The following CHST11 variants were observed in gnomAD, a reference collection of about 807,000 sequenced individuals.
CHST11 encodes the protein carbohydrate sulfotransferase 11.
Under a neutral mutation model 30.4 loss-of-function variants are expected in CHST11, and 9 were observed. That is an observed-to-expected ratio of 0.30 (90% CI 0.18 to 0.52). The LOEUF is 0.52. CHST11 is among the 20% of genes least tolerant of loss of function. The pLI is 0.97. For missense variants in CHST11, 348 were observed against 460.6 expected, an observed-to-expected ratio of 0.76 and a Z score of 2.24; for synonymous variants, 152 against 187.8, an observed-to-expected ratio of 0.81 and a Z score of 1.56.
intron 1 of CHST11, among the ~76,000 whole-genome samples, chr12:104,587,411 A>G (rs907508132): frequency 8.5e-5 from 13 of 152,144 alleles, no homozygotes; most frequent in African/African-American, 1.2e-4. Flanking sequence ...TTGTTTATTT[A>G]TTTTGAGATA....
intron 2 of CHST11, among the ~76,000 whole-genome samples, chr12:104,666,288 C>T (rs1181628303): frequency 6.6e-6 from 1 of 152,146 alleles, no homozygotes; most frequent in East Asian, 1.9e-4. Context: ...TGAACTGTTT[C>T]CCTCAAGCTT....
At chr12:104,625,924 A>G (rs1291373068) in intron 2 of CHST11, among the ~76,000 whole-genome samples, 2 of 152,248 alleles carry the variant, frequency 1.3e-5, no homozygotes, top group African/African-American at 2.4e-5. Context: ...ACAAATTAAT[A>G]GTGTGAACAT....
intron 1 of CHST11, among the ~76,000 whole-genome samples, chr12:104,534,893 A>G (rs998645340): frequency 2.0e-5 from 3 of 152,228 alleles, no homozygotes; most frequent in Non-Finnish European, 4.4e-5. Context: ...TTCTTCGCAG[A>G]AGCCAAGTTT....
chr12:104,624,521 G>T (rs1351889799), intron 2 of CHST11, among the ~76,000 whole-genome samples: 1 of 90,620 alleles, frequency 1.1e-5, no homozygotes, highest in Non-Finnish European at 2.3e-5. Flanking sequence ...CATATCAAAT[G>T]AATGAAGGGA....
intron 1 of CHST11, among the ~76,000 whole-genome samples, chr12:104,497,399 A>G (rs1306137941): frequency 6.6e-6 from 1 of 152,182 alleles, no homozygotes; most frequent in East Asian, 1.9e-4. Context: ...CCGAAGAGAA[A>G]GGCCCCAGGA....
At chr12:104,748,759 G>T (rs2040407953) in intron 2 of CHST11, among the ~76,000 whole-genome samples, 1 of 152,182 alleles carries the variant, frequency 6.6e-6, no homozygotes, top group African/African-American at 2.4e-5. Flanking sequence ...CTGGTCTGTG[G>T]TATTTATTAT....
intron 1 of CHST11, among the ~76,000 whole-genome samples, chr12:104,566,761 A>C (rs548897369): frequency 2.0e-5 from 3 of 152,172 alleles, no homozygotes; most frequent in Non-Finnish European, 4.4e-5. Flanking sequence ...CTACAGGTAC[A>C]TACACCTCCC....
rs574809360 is a variant in CHST11, at chr12:104,482,409, T to C, written c.118+24880T>C. 4.0e-5 allele frequency among the ~76,000 whole-genome samples: 6 copies of C among 151,396 alleles called. 1 individual carries two copies. Among genetic ancestry groups the C allele is most frequent in the African/African-American group, 1.5e-4 (6 of 41,362 alleles). ...GCAGCTGGTGTTTACTTCTTTTAAG[T>C]TTAGGCACATCCTTTACATCCACAT... On this transcript the variant is annotated intron_variant, in intron 1 of 2. Coordinates refer to ENST00000303694, the MANE Select transcript of CHST11 (RefSeq NM_018413.6).
chr12:104,465,494 T>C (rs1338626458), intron 1 of CHST11, among the ~76,000 whole-genome samples: 3 of 152,250 alleles, frequency 2.0e-5, no homozygotes, highest in Admixed American at 1.3e-4. Context: ...TGAGCTGTCA[T>C]GACTTTGTCA....
intron 1 of CHST11, among the ~76,000 whole-genome samples, chr12:104,541,128 T>TCACACA (rs1337626764): frequency 2.1e-4 from 29 of 140,994 alleles, no homozygotes; most frequent in African/African-American, 6.0e-4. Context: ...TCTCTCTCTC[T>TCACACA]CTCACACACA....
intron 2 of CHST11, among the ~76,000 whole-genome samples, chr12:104,688,939 G>A (rs975432389): frequency 2.6e-5 from 4 of 151,692 alleles, no homozygotes; most frequent in African/African-American, 9.7e-5. Context: ...TGGGCAAGAA[G>A]GGGCAAGAAG....
chr12:104,718,720 C>G (rs2040150936), intron 2 of CHST11, among the ~76,000 whole-genome samples: 1 of 152,158 alleles, frequency 6.6e-6, no homozygotes, highest in African/African-American at 2.4e-5. Context: ...TGTCATTTAG[C>G]CAGCCAGCCT....
intron 1 of CHST11, among the ~76,000 whole-genome samples, chr12:104,466,919 A>G (rs2037465515): frequency 6.6e-6 from 1 of 152,092 alleles, no homozygotes; most frequent in Non-Finnish European, 1.5e-5. Context: ...TGACCTTGTA[A>G]TGTTGTCCAC....
intron 2 of CHST11, among the ~76,000 whole-genome samples, chr12:104,686,980 G>A (rs1014256833): frequency 3.9e-5 from 6 of 152,306 alleles, no homozygotes; most frequent in Non-Finnish European, 5.9e-5. Context: ...TTTTAAAATT[G>A]TATATTTTGG....
Position 104,684,092 on chromosome 12 carries a change from G to A in CHST11, c.205-72857G>A, listed in dbSNP as rs1204115491. On this transcript the variant is annotated intron_variant, in intron 2 of 2. Coordinates refer to ENST00000303694, the MANE Select transcript of CHST11 (RefSeq NM_018413.6). Reference sequence around the variant, plus strand: ...GAGGAGATGCGGCAGAACTAGCAGCGGGGCAGAGCTCCAGATCCCCAAGAT... The same window carrying A: ...GAGGAGATGCGGCAGAACTAGCAGCAGGGCAGAGCTCCAGATCCCCAAGAT... Among the ~76,000 whole-genome samples, 5 of 152,208 alleles carry A rather than the reference G, an allele frequency of 3.3e-5. No homozygotes were observed. The South Asian group carries it at 6.2e-4, about 19-fold the overall frequency.
At chr12:104,728,097 C>G (rs1215372239) in intron 2 of CHST11, among the ~76,000 whole-genome samples, 1 of 152,192 alleles carries the variant, frequency 6.6e-6, no homozygotes, top group African/African-American at 2.4e-5. Flanking sequence ...ATAATAGCTG[C>G]AATTTCTCAT....
At position 104,600,287 on chromosome 12, in the gene CHST11, C is replaced by T. The variant is rs1270144353; in HGVS notation, c.119-1619C>T. Among the ~76,000 whole-genome samples the T allele has an allele frequency of 3.3e-5, 5 of 152,136 alleles. No individual in the cohort carries two copies. The East Asian group carries it at 9.6e-4, about 29-fold the overall frequency. Reference sequence around the variant, plus strand: ...CCTCCCTTTCCTGACCTCAGATTGACTTCTAAGCAGAGGTCCCTGGGCTAA... The same window carrying T: ...CCTCCCTTTCCTGACCTCAGATTGATTTCTAAGCAGAGGTCCCTGGGCTAA... On this transcript the variant is annotated intron_variant, in intron 1 of 2. Transcript: ENST00000303694. The surrounding 1 kb of genome is among the most constrained non-coding windows in gnomAD (Gnocchi z 4.1).
At chr12:104,747,178 T>G (rs1049800303) in intron 2 of CHST11, among the ~76,000 whole-genome samples, 8 of 152,224 alleles carry the variant, frequency 5.3e-5, no homozygotes, top group African/African-American at 1.9e-4. Context: ...CTGCTAGGGT[T>G]GAGACCCACG....
intron 1 of CHST11, among the ~76,000 whole-genome samples, chr12:104,474,516 T>C (rs1173355108): frequency 1.3e-5 from 2 of 152,234 alleles, no homozygotes; most frequent in East Asian, 1.9e-4. Flanking sequence ...TTGTTTCCTG[T>C]GCCTGTAAAA....
Sources: allele counts gnomAD v4.1 joint callset (sites outside exome capture counted in the v4.1 genomes callset), GRCh38; gene constraint gnomAD v4.1.1; non-coding constraint Gnocchi (gnomAD v3.1); transcripts MANE v1.5; gene names NCBI Gene and HGNC (gene_info 2026-07-23, HGNC 2026-07-21).